NOP58: variants seen among roughly 807,000 people sequenced by gnomAD.
NOP58 encodes the protein NOP58 ribonucleoprotein.
In NOP58, 44 loss-of-function variants were observed where a neutral mutation model predicts 71.2. The ratio of observed to expected loss-of-function variants is 0.62; its 90% confidence interval spans 0.49 to 0.79. The LOEUF is 0.79. Ranked by LOEUF, NOP58 falls within the 30% of genes least tolerant of loss-of-function variation. NOP58 has a pLI of 0.00. For missense variants in NOP58, 538 were observed against 620.2 expected, an observed-to-expected ratio of 0.87 and a Z score of 1.41; for synonymous variants, 228 against 200.3, an observed-to-expected ratio of 1.14 and a Z score of -1.17.
chr2:202,280,080 T>A (rs1688674896), intron 3 of NOP58, among the ~76,000 whole-genome samples: 1 of 152,164 alleles, frequency 6.6e-6, no homozygotes. Flanking sequence ...ATCAGCTAAT[T>A]AAGAAAGCAG....
chr2:202,288,799 G>T lies in NOP58; in HGVS notation c.499+1075G>T, dbSNP rs1242300024. On this transcript the variant is annotated intron_variant, in intron 6 of 14. Coordinates refer to ENST00000264279, the MANE Select transcript of NOP58 (RefSeq NM_015934.5). ...CATTTCACTCTAGCTTGGACAACAT[G>T]AGCAACACTCCGTCTCAAAAAAAAA... Among the ~76,000 whole-genome samples, 4 of 151,034 alleles carry T rather than the reference G, an allele frequency of 2.6e-5. No homozygotes were observed. The Admixed American group carries it at 2.7e-4, about 10-fold the overall frequency.
At chr2:202,266,387 C>A (rs1380521729) in intron 1 of NOP58, among the ~76,000 whole-genome samples, 1 of 151,902 alleles carries the variant, frequency 6.6e-6, no homozygotes, top group Non-Finnish European at 1.5e-5. Context: ...CAACCTCCGT[C>A]TCCCGGGTTC....
At chr2:202,281,498 G>T (rs1441400334) in intron 3 of NOP58, among the ~76,000 whole-genome samples, 1 of 151,980 alleles carries the variant, frequency 6.6e-6, no homozygotes, top group Non-Finnish European at 1.5e-5. Flanking sequence ...GGAGTACAGC[G>T]GCATGATCAT....
Position 202,282,245 on chromosome 2 carries a change from A to G in NOP58, c.176-106A>G, listed in dbSNP as rs1223066297. 3 of 782,234 alleles carry G rather than the reference A, an allele frequency of 3.8e-6. No individual in the cohort carries two copies. The African/African-American group carries it at 5.2e-5, about 14-fold the overall frequency. The allele number at this position is 782,234 out of a possible 1,614,324, so 48.5% of individuals were successfully genotyped here. A position where few individuals can be genotyped will look rare whatever the true frequency, so the allele number is the denominator to read the frequency against. ...TCATTTCAGAAGTAACATTAAATTC[A>G]AGCCCTTTGAAAGGCCTATTTTATT... On this transcript the variant is annotated intron_variant, in intron 3 of 14. Coordinates refer to ENST00000264279, the MANE Select transcript of NOP58 (RefSeq NM_015934.5).
chr2:202,290,989 T>C, intron 7 of NOP58, 136 bp from the exon 8 acceptor site: 1 of 712,996 alleles, frequency 1.4e-6, no homozygotes, highest in Non-Finnish European at 2.2e-6. Context: ...TTATACTAGG[T>C]CAAACTTCTT....
chr2:202,294,469 A>G (rs1225577791), intron 9 of NOP58, among the ~76,000 whole-genome samples: 1 of 152,188 alleles, frequency 6.6e-6, no homozygotes, highest in Non-Finnish European at 1.5e-5. Flanking sequence ...ACTAAGCAGC[A>G]TGTTGATAAC....
chr2:202,268,968 A>G (rs926434026), intron 1 of NOP58, among the ~76,000 whole-genome samples: 2 of 151,934 alleles, frequency 1.3e-5, no homozygotes, highest in African/African-American at 4.8e-5. Flanking sequence ...TAACCCATGT[A>G]CACATACAAA....
intron 5 of NOP58, among the ~76,000 whole-genome samples, chr2:202,287,268 C>T (rs950569465): frequency 6.6e-6 from 1 of 152,002 alleles, no homozygotes; most frequent in Non-Finnish European, 1.5e-5. Context: ...AGGGTTTCGC[C>T]ATGTTGGCCA....
chr2:202,276,636 TC>T (rs1309506273), intron 2 of NOP58: 1 of 324,996 alleles, frequency 3.1e-6, no homozygotes, highest in Admixed American at 3.4e-5. Flanking sequence ...GCCCAGGAGT[TC>T]AAGACCAGCC....
rs973010946 is a variant in NOP58, at chr2:202,280,327, AT to A, written c.176-2011del. Among the ~76,000 whole-genome samples, 388 of 145,034 alleles carry A rather than the reference AT, an allele frequency of 2.7e-3. 2 individuals carry two copies. The highest frequency in any genetic ancestry group is 0.017 in the Middle Eastern group (5 of 286). ...ATAGCAAGACCCCCTCTCAAAAAAG[AT>A]TTTTTTTTTTTTGGAGATGGAGTTT... On this transcript the variant is annotated intron_variant, in intron 3 of 14. Coordinates refer to ENST00000264279, the MANE Select transcript of NOP58 (RefSeq NM_015934.5).
Position 202,294,659 on chromosome 2 carries a change from A to G in NOP58, c.908-1015A>G, listed in dbSNP as rs138347090. Reference sequence around the variant, plus strand: ...GGATATCAACAACAGTCATAATATAACAGTTATAACACTATGCCAGCAGGG... The same window carrying G: ...GGATATCAACAACAGTCATAATATAGCAGTTATAACACTATGCCAGCAGGG... On this transcript the variant is annotated intron_variant, in intron 9 of 14. Transcript: ENST00000264279. Among the ~76,000 whole-genome samples, 1,500 of 152,224 alleles carry G rather than the reference A, an allele frequency of 9.9e-3. 9 individuals carry two copies. The highest frequency in any genetic ancestry group is 0.018 in the Non-Finnish European group (1,202 of 68,004).
chr2:202,273,980 A>G (rs1688547823), intron 1 of NOP58, among the ~76,000 whole-genome samples: 1 of 152,070 alleles, frequency 6.6e-6, no homozygotes, highest in Admixed American at 6.6e-5. Context: ...TGATTCCTAA[A>G]AGTATGCATG....
intron 9 of NOP58, among the ~76,000 whole-genome samples, chr2:202,293,339 T>A (rs1688936215): frequency 6.6e-6 from 1 of 152,234 alleles, no homozygotes; most frequent in African/African-American, 2.4e-5. Context: ...GTTTCACTAT[T>A]GAGTGTGAGG....
At chr2:202,269,228 G>A (rs1688474788) in intron 1 of NOP58, among the ~76,000 whole-genome samples, 1 of 151,492 alleles carries the variant, frequency 6.6e-6, no homozygotes, top group African/African-American at 2.4e-5. Context: ...CTGGAGTGCA[G>A]TGGTGTGATC....
intron 3 of NOP58, among the ~76,000 whole-genome samples, chr2:202,280,327 A>T (rs1035990348): frequency 6.9e-6 from 1 of 145,532 alleles, no homozygotes; most frequent in Non-Finnish European, 1.5e-5. Flanking sequence ...CTCAAAAAAG[A>T]TTTTTTTTTT....
chr2:202,266,075 T>A, intron 1 of NOP58, 89 bp downstream of exon 1: 1 of 1,457,736 alleles, frequency 6.9e-7, no homozygotes, highest in Non-Finnish European at 9.6e-7. Context: ...CTACTCAGAG[T>A]AGCGTGGGTG....
intron 6 of NOP58, among the ~76,000 whole-genome samples, chr2:202,288,450 C>T (rs947897658): frequency 6.7e-6 from 1 of 149,950 alleles, no homozygotes; most frequent in African/African-American, 2.5e-5. Flanking sequence ...CCATTGCACT[C>T]CAGCCTGGGC....
rs571061608 is a variant in NOP58, at chr2:202,268,876, G to A, written c.45+2890G>A. ...GCCCGCCTCAGCCTCCCAAAGTGCT[G>A]GGATTACAGGCGTGAGCCACTGCAC... On this transcript the variant is annotated intron_variant, in intron 1 of 14. Coordinates refer to ENST00000264279, the MANE Select transcript of NOP58 (RefSeq NM_015934.5). 5.3e-5 allele frequency among the ~76,000 whole-genome samples: 8 copies of A among 152,226 alleles called. No individual in the cohort carries two copies. In the South Asian group the frequency reaches 1.4e-3, roughly 28 times the overall value.
At chr2:202,300,203 G>C (rs533964935) in intron 12 of NOP58, 31 bp from the exon 13 acceptor site, 2 of 1,544,106 alleles carry the variant, frequency 1.3e-6, no homozygotes, top group East Asian at 2.3e-5. Context: ...ATACTTGTTA[G>C]AGATTTTCTA....
Sources: allele counts gnomAD v4.1 joint callset (sites outside exome capture counted in the v4.1 genomes callset), GRCh38; gene constraint gnomAD v4.1.1; transcripts MANE v1.5; gene names NCBI Gene and HGNC (gene_info 2026-07-23, HGNC 2026-07-21).